The following PIAS4 variants were observed in gnomAD, a reference collection of about 807,000 sequenced individuals.
PIAS4 encodes protein inhibitor of activated STAT 4, also known as E3 SUMO-protein ligase PIAS4.
PIAS4 carries 7 observed loss-of-function variants against 58.0 expected under a neutral mutation model. The observed-to-expected ratio is 0.12, with a 90% CI of 0.07 to 0.23. The LOEUF is 0.23. Among genes scored for constraint, PIAS4 ranks in the 10% least tolerant of loss-of-function variants. The pLI is 1.00. For synonymous variants in PIAS4, 364 were observed against 312.4 expected, an observed-to-expected ratio of 1.17 and a Z score of -1.74; for missense variants, 550 against 709.5, an observed-to-expected ratio of 0.78 and a Z score of 2.55.
chr19:4,027,564 T>TG (rs1226307300), intron 3 of PIAS4, among the ~76,000 whole-genome samples: 15 of 149,056 alleles, frequency 1.0e-4, no homozygotes, highest in Admixed American at 6.7e-5. Flanking sequence ...TGTTACTGGT[T>TG]TTTGTTTTTT....
chr19:4,037,826 G>T lies in PIAS4; in HGVS notation c.1484G>T (p.Arg495Leu). 6.4e-7 allele frequency: 1 copy of T among 1,574,412 alleles called. No individual in the cohort carries two copies. The highest frequency in any genetic ancestry group is 8.6e-7 in the Non-Finnish European group (1 of 1,161,280). Residue 495 changes from arginine to leucine, a missense_variant, in exon 11 of 11, where the codon CGG (arginine) becomes CTG (leucine). Physicochemically the swap from Arg to Leu is moderately radical, Grantham distance 102. Coordinates refer to ENST00000262971, the MANE Select transcript of PIAS4 (RefSeq NM_015897.4). The surrounding 1 kb of genome is among the most constrained non-coding windows in gnomAD (Gnocchi z 5.8). ...EEEDEDEEGP[R>L]PKRRCPFQKG... ...GAAGACGAGGACGAAGAGGGGCCCC[G>T]GCCCAAGCGCCGCTGCCCCTTCCAG...
intron 7 of PIAS4, among the ~76,000 whole-genome samples, chr19:4,029,407 G>A (rs546859462): frequency 1.3e-5 from 2 of 152,302 alleles, no homozygotes; most frequent in African/African-American, 4.8e-5. Flanking sequence ...GCCCCTTCTC[G>A]TTGCCTCAGC....
rs986494585 is a variant in PIAS4, at chr19:4,037,978, C to T, written c.*103C>T. The T allele has an allele frequency of 1.5e-5, 20 of 1,293,160 alleles. No individual in the cohort carries two copies. The highest frequency in any genetic ancestry group is 8.3e-5 in the Admixed American group (3 of 36,348). The allele number at this position is 1,293,160 out of a possible 1,614,324, so 80.1% of individuals were successfully genotyped here. On this transcript the variant is annotated 3_prime_UTR_variant, in exon 11 of 11. Transcript: ENST00000262971. The surrounding 1 kb of genome is among the most constrained non-coding windows in gnomAD (Gnocchi z 5.8). ...TGACCTTTCTTTTTCTTTTTATTGT[C>T]GTTCGTTTTGTTTTTCCACCCTTTT...
At chr19:4,035,740 C>T (rs1032900712) in intron 9 of PIAS4, among the ~76,000 whole-genome samples, 35 of 149,710 alleles carry the variant, frequency 2.3e-4, no homozygotes, top group Admixed American at 2.2e-3. Context: ...CACATCCATA[C>T]AGTCCACACC....
chr19:4,036,697 C>T lies in PIAS4; in HGVS notation c.1143-677C>T, dbSNP rs1343085203. ...CACACCGTCACACATCCATATAGTCCACACCATCATACACACACACATCTC... is the reference window on the plus strand; with the variant it reads ...CACACCGTCACACATCCATATAGTCTACACCATCATACACACACACATCTC... On this transcript the variant is annotated intron_variant, in intron 9 of 10. Transcript: ENST00000262971. Among the ~76,000 whole-genome samples the T allele has an allele frequency of 1.1e-3, 157 of 149,000 alleles. 20 individuals carry two copies. Among genetic ancestry groups the T allele is most frequent in the African/African-American group, 3.9e-3 (154 of 39,690 alleles).
In PIAS4 at chr19:4,037,019, G is replaced by A. The variant is rs933352658; in HGVS notation, c.1143-355G>A. Among the ~76,000 whole-genome samples, 2 of 151,746 alleles carry A rather than the reference G, an allele frequency of 1.3e-5. No homozygotes were observed. Among genetic ancestry groups the A allele is most frequent in the Non-Finnish European group, 2.9e-5 (2 of 68,032 alleles). On this transcript the variant is annotated intron_variant, in intron 9 of 10. Coordinates refer to ENST00000262971, the MANE Select transcript of PIAS4 (RefSeq NM_015897.4). The surrounding 1 kb of genome is among the most constrained non-coding windows in gnomAD (Gnocchi z 5.8). Reference sequence around the variant, plus strand: ...CACAGATACACTCACGTCCACACACGCTCAAACATGCGTGCACACCCGGAG... The same window carrying A: ...CACAGATACACTCACGTCCACACACACTCAAACATGCGTGCACACCCGGAG...
chr19:4,035,461 C>T (rs976687576), intron 9 of PIAS4, among the ~76,000 whole-genome samples: 1 of 152,122 alleles, frequency 6.6e-6, no homozygotes, highest in African/African-American at 2.4e-5. Flanking sequence ...TCAGGGAACT[C>T]GTTCCCTTCC....
chr19:4,008,462 C>T (rs545294557), intron 1 of PIAS4, among the ~76,000 whole-genome samples: 1 of 152,326 alleles, frequency 6.6e-6, no homozygotes, highest in East Asian at 1.9e-4. Context: ...GAACCCCGCC[C>T]CCTTCCCGAC....
At position 4,033,080 on chromosome 19, in the gene PIAS4, C is replaced by T. The variant is rs775606931; in HGVS notation, c.908-20C>T. 3 of 1,607,396 alleles carry T rather than the reference C, an allele frequency of 1.9e-6. No individual in the cohort carries two copies. The highest frequency in any genetic ancestry group is 1.1e-5 in the South Asian group (1 of 91,032). On this transcript the variant is annotated intron_variant, in intron 7 of 10. Transcript: ENST00000262971. ...GCTGTTCCCACCCTCCTGACGGTGT[C>T]TTCCGTTCCCTCCCCACAGTCAAGG...
chr19:4,014,986 C>CTGAGGCTCCGCCTTCCAAG (rs984099112), intron 2 of PIAS4, among the ~76,000 whole-genome samples: 2 of 152,214 alleles, frequency 1.3e-5, no homozygotes, highest in African/African-American at 2.4e-5. Flanking sequence ...TCCCTCCAGC[C>CTGAGGCTCCGCCTTCCAAG]TGAGGCTCCG....
chr19:4,036,289 C>T (rs972309657), intron 9 of PIAS4, among the ~76,000 whole-genome samples: 1 of 119,762 alleles, frequency 8.3e-6, no homozygotes, highest in African/African-American at 2.7e-5. Context: ...TACACCGTCA[C>T]ACACACACAC....
chr19:4,028,371 CG>C, intron 4 of PIAS4, 138 bp from the exon 5 acceptor site: 4 of 799,640 alleles, frequency 5.0e-6, no homozygotes, highest in Non-Finnish European at 8.2e-6. Context: ...AGGCCACACC[CG>C]GGGGCCCTGA....
chr19:4,024,182 C>G (rs2040139669), intron 3 of PIAS4, 62 bp downstream of exon 3: 2 of 1,275,668 alleles, frequency 1.6e-6, no homozygotes, highest in Non-Finnish European at 2.3e-6. Context: ...CTCCTGGGCT[C>G]ACTGGGGAGA....
intron 2 of PIAS4, among the ~76,000 whole-genome samples, chr19:4,015,849 C>A (rs1341829405): frequency 6.6e-6 from 1 of 152,208 alleles, no homozygotes; most frequent in African/African-American, 2.4e-5. Flanking sequence ...ATGGAGACCG[C>A]GCCAGGCGGA....
rs368845327 is a variant in PIAS4 at position 4,028,972 on chromosome 19, A to G, written c.843A>G (p.Ser281=). 1.2e-6 allele frequency: 2 copies of G among 1,610,922 alleles called. No homozygotes were observed. The highest frequency in any genetic ancestry group is 1.7e-6 in the Non-Finnish European group (2 of 1,179,310). ...VALYLVRQLT[S]SELLQRLKTI... is the part of the protein sequence containing the mutation. Reference sequence around the variant, plus strand: ...TGTACCTGGTGCGGCAGCTGACCTCATCGGAGCTGCTGCAGAGGCTGAAGA... The same window carrying G: ...TGTACCTGGTGCGGCAGCTGACCTCGTCGGAGCTGCTGCAGAGGCTGAAGA... The change falls in exon 7 of 11, where the codon TCA becomes TCG. Residue 281 remains serine, a synonymous_variant. Transcript: ENST00000262971.
Position 4,037,833 on chromosome 19 carries a change from G to A in PIAS4, c.1491G>A (p.Lys497=). Residue 497 remains lysine (K), a synonymous_variant, in exon 11 of 11, where the codon AAG becomes AAA. Coordinates refer to ENST00000262971, the MANE Select transcript of PIAS4 (RefSeq NM_015897.4). This position sits in a 1 kb window ranked among gnomAD's most constrained non-coding sequence, Gnocchi z 5.8. ...AGGACGAAGAGGGGCCCCGGCCCAA[G>A]CGCCGCTGCCCCTTCCAGAAGGGCC... The part of the protein sequence containing the change: ...EDEDEEGPRP[K]RRCPFQKGLV... 1 of 1,570,162 alleles carries A rather than the reference G, an allele frequency of 6.4e-7. No homozygotes were observed. Among genetic ancestry groups the A allele is most frequent in the Non-Finnish European group, 8.6e-7 (1 of 1,159,388 alleles).
intron 2 of PIAS4, among the ~76,000 whole-genome samples, chr19:4,020,677 C>T (rs2040100786): frequency 1.3e-5 from 2 of 152,160 alleles, no homozygotes; most frequent in South Asian, 2.1e-4. Flanking sequence ...CCAGGCTGGT[C>T]TCGAACTTCT....
At chr19:4,018,996 G>A (rs2040081300) in intron 2 of PIAS4, among the ~76,000 whole-genome samples, 1 of 152,088 alleles carries the variant, frequency 6.6e-6, no homozygotes, top group South Asian at 2.1e-4. Context: ...AGGGTCAGGG[G>A]TCTCCTGCGG....
chr19:4,016,753 C>T (rs74254909), intron 2 of PIAS4, among the ~76,000 whole-genome samples: 3 of 152,264 alleles, frequency 2.0e-5, no homozygotes, highest in East Asian at 3.9e-4. Context: ...GCAGTGAGGG[C>T]AGAGGCCGAT....
Sources: allele counts gnomAD v4.1 joint callset (sites outside exome capture counted in the v4.1 genomes callset), GRCh38; gene constraint gnomAD v4.1.1; non-coding constraint Gnocchi (gnomAD v3.1); transcripts MANE v1.5; gene names NCBI Gene and HGNC (gene_info 2026-07-23, HGNC 2026-07-21).